LMF1: variants seen among roughly 807,000 people sequenced by gnomAD.
The protein encoded by LMF1 is transmembrane protein 112.
Under a neutral mutation model 60.6 loss-of-function variants are expected in LMF1, and 68 were observed. The observed-to-expected ratio is 1.12, with a 90% CI of 0.92 to 1.37. The LOEUF (loss-of-function observed/expected upper bound fraction) is 1.37. LMF1 is among the 40% of genes most tolerant of loss of function. LMF1 has a pLI of 0.00. For synonymous variants in LMF1, 418 were observed against 324.7 expected, an observed-to-expected ratio of 1.29 and a Z score of -3.09; for missense variants, 948 against 767.2, an observed-to-expected ratio of 1.24 and a Z score of -2.78.
chr16:978,163 C>T (rs2073226038), intron 1 of LMF1, among the ~76,000 whole-genome samples: 1 of 150,914 alleles, frequency 6.6e-6, no homozygotes, highest in Non-Finnish European at 1.5e-5. Context: ...CACACACACA[C>T]ACCACACACC....
intron 1 of LMF1, among the ~76,000 whole-genome samples, chr16:960,411 A>G (rs2072802900): frequency 1.1e-5 from 1 of 91,484 alleles, no homozygotes; most frequent in African/African-American, 5.1e-5. Context: ...ACACAGACTC[A>G]CGGTGACAGC....
At chr16:859,542 G>A (rs192625651) in intron 10 of LMF1, among the ~76,000 whole-genome samples, 1 of 3,112 alleles carries the variant, frequency 3.2e-4, no homozygotes, top group Non-Finnish European at 8.3e-4. Flanking sequence ...TGGTGTCTCG[G>A]GACGGGTGTG....
intron 2 of LMF1, among the ~76,000 whole-genome samples, chr16:950,305 A>G (rs1426658782): frequency 8.9e-6 from 1 of 111,948 alleles, no homozygotes; most frequent in African/African-American, 4.8e-5. Flanking sequence ...AAGTCAGCCA[A>G]TGACAGAGTC....
intron 2 of LMF1, chr16:954,106 T>TA: frequency 1.7e-6 from 1 of 605,312 alleles, no homozygotes; most frequent in Middle Eastern, 3.7e-4. Flanking sequence ...CTGGCTCCAG[T>TA]AAGCTGGCAA....
At chr16:895,718 C>T (rs1208692223) in intron 4 of LMF1, among the ~76,000 whole-genome samples, 3 of 152,116 alleles carry the variant, frequency 2.0e-5, no homozygotes, top group East Asian at 1.9e-4. Flanking sequence ...GAATGAGAAA[C>T]GGCAGGGGAG....
intron 5 of LMF1, among the ~76,000 whole-genome samples, chr16:890,187 C>T (rs559424215): frequency 8.5e-5 from 13 of 152,214 alleles, no homozygotes; most frequent in African/African-American, 2.9e-4. Context: ...CACAGTGAAC[C>T]GCAAAGAGCC....
In LMF1 at chr16:854,494, C is replaced by G. The variant is rs372029510; in HGVS notation, c.*38G>C. 1 of 1,581,242 alleles carries G rather than the reference C, an allele frequency of 6.3e-7. No homozygotes were observed. The highest frequency in any genetic ancestry group is 8.6e-7 in the Non-Finnish European group (1 of 1,167,926). On this transcript the variant is annotated 3_prime_UTR_variant, in exon 11 of 11. Coordinates refer to ENST00000262301, the MANE Select transcript of LMF1 (RefSeq NM_022773.4). ...GGAAGGGCAAACGTTGCTGAGCCGC[C>G]GAGGGGCTGGGTCTTCGCCTTTATT...
intron 10 of LMF1, among the ~76,000 whole-genome samples, chr16:856,316 C>T (rs1026750168): frequency 6.6e-6 from 1 of 152,178 alleles, no homozygotes; most frequent in Non-Finnish European, 1.5e-5. Flanking sequence ...AGAAGTCACA[C>T]TGGACCCCGA....
At position 942,493 on chromosome 16, in the gene LMF1, G is replaced by A. The variant is rs572984981; in HGVS notation, c.504-8239C>T. Among the ~76,000 whole-genome samples the A allele has an allele frequency of 1.8e-4, 28 of 151,690 alleles. No homozygotes were observed. In the South Asian group the frequency reaches 5.8e-3, roughly 32 times the overall value. On this transcript the variant is annotated intron_variant, in intron 2 of 10. Coordinates refer to ENST00000262301, the MANE Select transcript of LMF1 (RefSeq NM_022773.4). ...ATTTTCTGTGTCCTCTCTCTGTGGG[G>A]CTCCAATCACAAGTATGTTAGACCA...
chr16:873,304 C>G, intron 6 of LMF1: 1 of 152,402 alleles, frequency 6.6e-6, no homozygotes, highest in East Asian at 1.9e-4. Context: ...CATCTGTGCT[C>G]GCCCCCGCCG....
At position 946,256 on chromosome 16, in the gene LMF1, C is replaced by T. The variant is rs1312354986; in HGVS notation, c.503+8101G>A. ...CCAGCCCCATGTGCCGCAGCAGCCA[C>T]GAAGGGGAGGGGACAGCTGGCTGGC... On this transcript the variant is annotated intron_variant, in intron 2 of 10. Transcript: ENST00000262301. Among the ~76,000 whole-genome samples, 4 of 152,214 alleles carry T rather than the reference C, an allele frequency of 2.6e-5. No homozygotes were observed. In the East Asian group the frequency reaches 7.7e-4, roughly 29 times the overall value.
chr16:863,293 A>C (rs1480281726), intron 10 of LMF1, among the ~76,000 whole-genome samples: 1 of 152,032 alleles, frequency 6.6e-6, no homozygotes, highest in South Asian at 2.1e-4. Context: ...GGCACCTGCC[A>C]CCACGCCCAG....
chr16:923,736 C>T (rs977636104), intron 3 of LMF1, among the ~76,000 whole-genome samples: 2 of 152,144 alleles, frequency 1.3e-5, no homozygotes, highest in South Asian at 2.1e-4. Context: ...CATCAGTGGC[C>T]CCCAATCTGG....
chr16:952,028 T>G (rs545191365), intron 2 of LMF1, among the ~76,000 whole-genome samples: 1 of 152,044 alleles, frequency 6.6e-6, no homozygotes, highest in Non-Finnish European at 1.5e-5. Flanking sequence ...CTTCAGCCTG[T>G]GCTGACAGCT....
At chr16:873,525 G>A (rs2069869791) in intron 6 of LMF1, 1 of 152,106 alleles carries the variant, frequency 6.6e-6, no homozygotes, top group Admixed American at 6.6e-5. Context: ...GCAGCCTCCT[G>A]CCTGTCAGCT....
At chr16:929,458 C>T (rs1385060320) in intron 3 of LMF1, among the ~76,000 whole-genome samples, 1 of 152,200 alleles carries the variant, frequency 6.6e-6, no homozygotes, top group Non-Finnish European at 1.5e-5. Flanking sequence ...CAAAGGCGGT[C>T]TGGTCCTGGA....
chr16:855,922 G>A, intron 10 of LMF1: 1 of 455,962 alleles, frequency 2.2e-6, no homozygotes, highest in Non-Finnish European at 4.4e-6. Context: ...GGGTCCACCC[G>A]GCTCCTCCTG....
intron 1 of LMF1, among the ~76,000 whole-genome samples, chr16:970,069 G>A (rs1186713784): frequency 6.6e-6 from 1 of 152,212 alleles, no homozygotes; most frequent in African/African-American, 2.4e-5. Context: ...CCCACAGTGA[G>A]GCGCAGGCTT....
chr16:866,832 C>T (rs2069622013), intron 10 of LMF1, among the ~76,000 whole-genome samples: 1 of 152,178 alleles, frequency 6.6e-6, no homozygotes, highest in African/African-American at 2.4e-5. Context: ...ACTGGGTTTC[C>T]AGTTTCCTCA....
Sources: gnomAD v4.1 joint callset for allele counts (sites outside exome capture counted in the v4.1 genomes callset) on GRCh38, gnomAD v4.1.1 for gene constraint, MANE v1.5 for transcripts, NCBI Gene and HGNC (gene_info 2026-07-23, HGNC 2026-07-21) for gene names.